Variants in AKAP13 observed in about 807,000 individuals in gnomAD.
The protein encoded by AKAP13 is A-kinase anchor protein 13.
In AKAP13, 80 loss-of-function variants were observed where a neutral mutation model predicts 264.5. The ratio of observed to expected loss-of-function variants is 0.30; its 90% confidence interval spans 0.25 to 0.36. The LOEUF (loss-of-function observed/expected upper bound fraction) is 0.36. Among genes scored for constraint, AKAP13 ranks in the 10% least tolerant of loss-of-function variants. AKAP13 has a pLI of 1.00. For synonymous variants in AKAP13, 1,380 were observed against 1,250.2 expected (o/e 1.10, Z -2.19); for missense variants, 3,712 against 3,435.2 (o/e 1.08, Z -2.01).
At chr15:85,387,407 T>G (rs2070627725) in intron 1 of AKAP13, among the ~76,000 whole-genome samples, 1 of 152,190 alleles carries the variant, frequency 6.6e-6, no homozygotes, top group South Asian at 2.1e-4. Flanking sequence ...AACCACTCAC[T>G]GCAGCCTTGA....
intron 1 of AKAP13, among the ~76,000 whole-genome samples, chr15:85,459,715 A>G (rs560938476): frequency 1.2e-4 from 18 of 151,964 alleles, no homozygotes; most frequent in East Asian, 5.8e-4. Context: ...TAGCCAGGAT[A>G]GTCTCAATCT....
chr15:85,581,786 C>T lies in AKAP13; in HGVS notation c.3718C>T (p.Pro1240Ser), dbSNP rs1452571520. Reference protein sequence around the residue: ...LPCMVSAQDAPLPKGADLIEE... With the variant: ...LPCMVSAQDASLPKGADLIEE... ...TTGCATGGTCTCTGCCCAGGACGCACCTCTGCCTAAGGGGGCAGACTTGAT... is the reference window on the plus strand; with the variant it reads ...TTGCATGGTCTCTGCCCAGGACGCATCTCTGCCTAAGGGGGCAGACTTGAT... The change falls in exon 7 of 37, where the codon CCT (proline) becomes TCT (serine). Residue 1240 changes from proline to serine, a missense_variant. Around this residue, in one of 3 missense-constraint regions of AKAP13, gnomAD observed 2,759 missense variants for 2,411.7 expected, o/e 1.14. Transcript: ENST00000394518. 11 of 1,614,074 alleles carry T rather than the reference C, an allele frequency of 6.8e-6. No individual in the cohort carries two copies. The highest frequency in any genetic ancestry group is 2.2e-5 in the South Asian group (2 of 91,088).
chr15:85,524,323 G>T (rs940404621), intron 3 of AKAP13, among the ~76,000 whole-genome samples: 1 of 151,634 alleles, frequency 6.6e-6, no homozygotes, highest in African/African-American at 2.4e-5. Context: ...GATTACAGGC[G>T]TACCACCACA....
chr15:85,660,784 G>A (rs922898260), intron 12 of AKAP13, among the ~76,000 whole-genome samples: 3 of 152,126 alleles, frequency 2.0e-5, no homozygotes, highest in Non-Finnish European at 4.4e-5. Context: ...TTCTGCACTT[G>A]TAAGCTTTAT....
At chr15:85,400,876 T>TATA (rs2071391358) in intron 1 of AKAP13, among the ~76,000 whole-genome samples, 4 of 45,474 alleles carry the variant, frequency 8.8e-5, no homozygotes, top group Non-Finnish European at 1.5e-4. Flanking sequence ...ATATATATAT[T>TATA]TTTTTTTTTT....
At chr15:85,706,451 A>C (rs1348652628) in intron 17 of AKAP13, among the ~76,000 whole-genome samples, 1 of 152,200 alleles carries the variant, frequency 6.6e-6, no homozygotes, top group Non-Finnish European at 1.5e-5. Context: ...ACCTGGGGGA[A>C]AATGTGATTC....
rs1434861394 is a variant in AKAP13 at position 85,714,496 on chromosome 15, A to G, written c.5600-1292A>G. 2.0e-5 allele frequency among the ~76,000 whole-genome samples: 3 copies of G among 152,260 alleles called. No individual in the cohort carries two copies. In the East Asian group the frequency reaches 5.8e-4, roughly 29 times the overall value. ...ATCATCAAAATCTATGCTCGCTAGC[A>G]GGGAGCGCAGAAGAATCACTTGAGC... On this transcript the variant is annotated intron_variant, in intron 19 of 36. Coordinates refer to ENST00000394518, the MANE Select transcript of AKAP13 (RefSeq NM_007200.5).
intron 12 of AKAP13, 25 bp from the exon 13 acceptor site, chr15:85,664,538 A>G (rs769619705): frequency 1.3e-6 from 2 of 1,575,874 alleles, no homozygotes; most frequent in African/African-American, 1.4e-5. Context: ...AATAGAATGA[A>G]TTAACTTTTG....
intron 1 of AKAP13, among the ~76,000 whole-genome samples, chr15:85,404,700 C>A (rs2071585571): frequency 6.6e-6 from 1 of 152,198 alleles, no homozygotes; most frequent in African/African-American, 2.4e-5. Flanking sequence ...ACTTGTATAT[C>A]TCATTCCCTT....
chr15:85,570,412 ACTGCTCTCCAGC>A (rs1043702017), intron 5 of AKAP13, among the ~76,000 whole-genome samples: 1 of 152,224 alleles, frequency 6.6e-6, no homozygotes, highest in Non-Finnish European at 1.5e-5. Context: ...AGATCGCGCC[ACTGCTCTCCAGC>A]CTGGGTGACA....
chr15:85,525,732 G>GT (rs948613067), intron 3 of AKAP13, among the ~76,000 whole-genome samples: 1 of 152,058 alleles, frequency 6.6e-6, no homozygotes. Flanking sequence ...GCTGAGATTT[G>GT]TTTTTTTAAG....
intron 5 of AKAP13, 192 bp downstream of exon 5, chr15:85,544,147 A>G: frequency 1.4e-6 from 1 of 728,490 alleles, no homozygotes; most frequent in Non-Finnish European, 2.4e-6. Context: ...GAGAAACGTA[A>G]GTCGTGTTAA....
At chr15:85,712,320 T>C (rs1302121034) in intron 19 of AKAP13, among the ~76,000 whole-genome samples, 1 of 152,222 alleles carries the variant, frequency 6.6e-6, no homozygotes, top group Non-Finnish European at 1.5e-5. Context: ...TCTTCACACG[T>C]AGATGACTAG....
intron 1 of AKAP13, among the ~76,000 whole-genome samples, chr15:85,468,117 T>C (rs1039429831): frequency 1.3e-5 from 2 of 152,220 alleles, no homozygotes; most frequent in African/African-American, 4.8e-5. Context: ...AAAAGCATTC[T>C]TATATTTCTC....
chr15:85,680,136 T>G (rs1269550444), intron 14 of AKAP13, among the ~76,000 whole-genome samples: 1 of 152,218 alleles, frequency 6.6e-6, no homozygotes, highest in Non-Finnish European at 1.5e-5. Flanking sequence ...TTTTCTGCAT[T>G]ATGAATTTTA....
At chr15:85,507,475 TAA>T (rs1454781991) in intron 2 of AKAP13, among the ~76,000 whole-genome samples, 13 of 152,036 alleles carry the variant, frequency 8.6e-5, no homozygotes, top group Admixed American at 7.9e-4. Context: ...TCTTCACAGA[TAA>T]AGTTTGCCAA....
chr15:85,419,427 C>A (rs1181470005), intron 1 of AKAP13, among the ~76,000 whole-genome samples: 5 of 152,202 alleles, frequency 3.3e-5, no homozygotes, highest in African/African-American at 1.2e-4. Context: ...GTAACGTGGC[C>A]GCTGATACAT....
At chr15:85,477,691 G>A (rs2075218435) in intron 1 of AKAP13, among the ~76,000 whole-genome samples, 1 of 148,474 alleles carries the variant, frequency 6.7e-6, no homozygotes, top group Non-Finnish European at 1.5e-5. Flanking sequence ...TGCCATTATA[G>A]GGCCATGATT....
chr15:85,655,621 C>T lies in AKAP13; in HGVS notation c.4579C>T (p.Pro1527Ser), dbSNP rs142719943. The change falls in exon 11 of 37, where the codon CCT becomes TCT. Residue 1527 changes from proline (P) to serine (S), a missense_variant. Around this residue, in one of 3 missense-constraint regions of AKAP13, gnomAD observed 2,759 missense variants for 2,411.7 expected, o/e 1.14. Coordinates refer to ENST00000394518, the MANE Select transcript of AKAP13 (RefSeq NM_007200.5). ...TGAGGGTCGAGAAAGTGAGAGTGAGCCTGCTGACCCAGGCGACGTGGAGGA... is the reference window on the plus strand; with the variant it reads ...TGAGGGTCGAGAAAGTGAGAGTGAGTCTGCTGACCCAGGCGACGTGGAGGA... ...GAEGRESESE[P>S]ADPGDVEEEE... The T allele has an allele frequency of 1.6e-4, 259 of 1,614,094 alleles. 1 individual carries two copies. Among genetic ancestry groups the T allele is most frequent in the Non-Finnish European group, 2.4e-5 (28 of 1,180,044 alleles).
Sources: gnomAD v4.1 joint callset for allele counts (sites outside exome capture counted in the v4.1 genomes callset) on GRCh38, gnomAD v4.1.1 for gene constraint, gnomAD v4.1.1 regional missense constraint, MANE v1.5 for transcripts, NCBI Gene and HGNC (gene_info 2026-07-23, HGNC 2026-07-21) for gene names.